Variants in FUT8 observed in about 807,000 individuals in gnomAD.
The protein encoded by FUT8 is alpha-(1,6)-fucosyltransferase.
Under a neutral mutation model 71.3 loss-of-function variants are expected in FUT8, and 29 were observed. The ratio of observed to expected loss-of-function variants is 0.41; its 90% CI spans 0.30 to 0.55. The LOEUF (loss-of-function observed/expected upper bound fraction) is 0.55, where lower values mean the gene tolerates loss of function less well. Ranked by LOEUF, FUT8 falls within the 20% of genes least tolerant of loss-of-function variation. FUT8 has a pLI of 0.34. For missense variants in FUT8, 544 were observed against 702.1 expected, an observed-to-expected ratio of 0.77 and a Z score of 2.55; for synonymous variants, 254 against 239.3, an observed-to-expected ratio of 1.06 and a Z score of -0.57.
In FUT8 at chr14:65,489,516, A is replaced by G. The variant is rs536403218; in HGVS notation, c.-228+33798A>G. ...TTCAGCCATTGAGAATGTTTTTATAAATGGACAGATCAGTTACTTAAAAAG... is the reference window on the plus strand; with the variant it reads ...TTCAGCCATTGAGAATGTTTTTATAGATGGACAGATCAGTTACTTAAAAAG... On this transcript the variant is annotated intron_variant, in intron 2 of 10. Transcript: ENST00000673929. The surrounding 1 kb of genome is among the most constrained non-coding windows in gnomAD (Gnocchi z 4.0). 6.1e-4 allele frequency among the ~76,000 whole-genome samples: 93 copies of G among 152,276 alleles called. No homozygotes were observed. The highest frequency in any genetic ancestry group is 2.1e-3 in the African/African-American group (87 of 41,568).
At chr14:65,544,992 C>G (rs1201912397) in intron 2 of FUT8, among the ~76,000 whole-genome samples, 1 of 151,706 alleles carries the variant, frequency 6.6e-6, no homozygotes, top group Non-Finnish European at 1.5e-5. Flanking sequence ...CCTTCCCCTC[C>G]TCTCCTCTTT....
At chr14:65,418,012 CATTG>C (rs1427936534) in intron 1 of FUT8, among the ~76,000 whole-genome samples, 1 of 152,000 alleles carries the variant, frequency 6.6e-6, no homozygotes, top group Non-Finnish European at 1.5e-5. Context: ...AATAATAAAA[CATTG>C]ATAATAATCT....
Position 65,643,412 on chromosome 14 carries a change from T to C in FUT8, c.597+13806T>C, listed in dbSNP as rs1250207653. On this transcript the variant is annotated intron_variant, in intron 6 of 10. Transcript: ENST00000673929. The surrounding 1 kb of genome is among the most constrained non-coding windows in gnomAD (Gnocchi z 4.5). ...GCTCACGCCTGTAATCCCAGCACTTTGGGAGGCCGAGGCAGGCGGGTCACG... is the reference window on the plus strand; with the variant it reads ...GCTCACGCCTGTAATCCCAGCACTTCGGGAGGCCGAGGCAGGCGGGTCACG... Among the ~76,000 whole-genome samples, 1 of 152,102 alleles carries C rather than the reference T, an allele frequency of 6.6e-6. No homozygotes were observed. Among genetic ancestry groups the C allele is most frequent in the African/African-American group, 2.4e-5 (1 of 41,412 alleles).
chr14:65,680,230 G>A (rs1213517089), intron 7 of FUT8, among the ~76,000 whole-genome samples: 1 of 152,214 alleles, frequency 6.6e-6, no homozygotes, highest in Non-Finnish European at 1.5e-5. Flanking sequence ...AATGATTCCA[G>A]TTCAAGCCTG....
chr14:65,391,990 T>TG, the FUT8 span, among the ~76,000 whole-genome samples: 1 of 152,158 alleles, frequency 6.6e-6, no homozygotes, highest in Non-Finnish European at 1.5e-5. Context: ...TGGAGTGCAA[T>TG]GGTACGATCT....
chr14:65,474,580 T>G (rs1439228587), intron 2 of FUT8, among the ~76,000 whole-genome samples: 1 of 151,670 alleles, frequency 6.6e-6, no homozygotes, highest in African/African-American at 2.4e-5. Context: ...AGAGCAAAAC[T>G]CTGTCTCAAA....
intron 2 of FUT8, among the ~76,000 whole-genome samples, chr14:65,497,231 A>G (rs957895069): frequency 6.6e-6 from 1 of 152,142 alleles, no homozygotes; most frequent in East Asian, 1.9e-4. Context: ...TGTTCCTAAG[A>G]TGAAAGATGG....
rs1021466789 is a variant in FUT8 at position 65,568,824 on chromosome 14, G to A, written c.203+7058G>A. ...AAACACTCATATTCTTTTATAATTG[G>A]CCACATATTTTTTCTTTCTAGTGTT... is the stretch of plus-strand genomic sequence containing the variant. On this transcript the variant is annotated intron_variant, in intron 3 of 10. Transcript: ENST00000673929. 7.3e-5 allele frequency among the ~76,000 whole-genome samples: 11 copies of A among 151,004 alleles called. No individual in the cohort carries two copies. In the Admixed American group the frequency reaches 7.3e-4, roughly 10 times the overall value.
intron 5 of FUT8, among the ~76,000 whole-genome samples, chr14:65,623,800 A>G (rs763271250): frequency 2.0e-5 from 3 of 152,072 alleles, no homozygotes; most frequent in South Asian, 2.1e-4. Context: ...GGCCAGCACT[A>G]TTTTGCTGGT....
At chr14:65,548,918 C>A (rs921184382) in intron 2 of FUT8, among the ~76,000 whole-genome samples, 5 of 152,026 alleles carry the variant, frequency 3.3e-5, no homozygotes, top group Non-Finnish European at 7.4e-5. Context: ...CGAAAGATCT[C>A]AAAAGATACT....
rs1056158545 is a variant in FUT8, at chr14:65,631,942, C to T, written c.597+2336C>T. On this transcript the variant is annotated intron_variant, in intron 6 of 10. Coordinates refer to ENST00000673929, the MANE Select transcript of FUT8 (RefSeq NM_001371533.1). ...CTTAGCTCCCACATATCAGTGAGAA[C>T]ATATGGTATTTGGTTTTCTATTCCT... is the stretch of plus-strand genomic sequence containing the variant. Among the ~76,000 whole-genome samples, 4 of 150,666 alleles carry T rather than the reference C, an allele frequency of 2.7e-5. No individual in the cohort carries two copies. In the East Asian group the frequency reaches 6.0e-4, roughly 23 times the overall value.
intron 9 of FUT8, among the ~76,000 whole-genome samples, chr14:65,731,785 G>A (rs1040239759): frequency 5.3e-5 from 8 of 152,108 alleles, no homozygotes; most frequent in East Asian, 3.9e-4. Context: ...ATGAGCCACC[G>A]CACCCAGCCT....
chr14:65,420,500 A>G (rs2065276949), intron 1 of FUT8, among the ~76,000 whole-genome samples: 1 of 152,010 alleles, frequency 6.6e-6, no homozygotes, highest in South Asian at 2.1e-4. Flanking sequence ...AATAATGAAA[A>G]TGTTTTAATA....
At chr14:65,519,680 A>T (rs1408845306) in intron 2 of FUT8, among the ~76,000 whole-genome samples, 2 of 152,224 alleles carry the variant, frequency 1.3e-5, no homozygotes, top group African/African-American at 4.8e-5. Flanking sequence ...TAAAAGTGTT[A>T]TTAAAGAATT....
chr14:65,465,814 A>G lies in FUT8; in HGVS notation c.-228+10096A>G, dbSNP rs112855446. 3.6e-3 allele frequency among the ~76,000 whole-genome samples: 542 copies of G among 152,278 alleles called. 4 individuals are homozygous for G. The South Asian group carries it at 0.039, about 11-fold the overall frequency. On this transcript the variant is annotated intron_variant, in intron 2 of 10. Transcript: ENST00000673929. ...GTTGATTGATGGTGTCATCAGTTCT[A>G]TGATACCTTCCTGATTTTCTGCTTC...
chr14:65,542,805 G>A (rs186471373), intron 2 of FUT8, among the ~76,000 whole-genome samples: 236 of 151,542 alleles, frequency 1.6e-3, no homozygotes, highest in African/African-American at 4.9e-3. Context: ...TTTTTGAGAC[G>A]GAGTTTTGCT....
chr14:65,508,111 A>G (rs1048128008), intron 2 of FUT8, among the ~76,000 whole-genome samples: 5 of 133,050 alleles, frequency 3.8e-5, no homozygotes, highest in African/African-American at 1.4e-4. Context: ...TCTGTTGGCC[A>G]GGCTGGAGTG....
the FUT8 span, among the ~76,000 whole-genome samples, chr14:65,375,962 A>C: frequency 1.3e-5 from 2 of 151,832 alleles, no homozygotes; most frequent in African/African-American, 2.4e-5. Flanking sequence ...ATGGTGGCGC[A>C]TGCCTGTAAT....
chr14:65,512,996 G>C (rs1882464378), intron 2 of FUT8, among the ~76,000 whole-genome samples: 1 of 151,392 alleles, frequency 6.6e-6, no homozygotes, highest in Non-Finnish European at 1.5e-5. Flanking sequence ...CTTTCCTTTA[G>C]AGCTAGGCTA....
Sources: gnomAD v4.1 joint callset for allele counts (sites outside exome capture counted in the v4.1 genomes callset) on GRCh38, gnomAD v4.1.1 for gene constraint, Gnocchi (gnomAD v3.1) non-coding constraint, MANE v1.5 for transcripts, NCBI Gene and HGNC (gene_info 2026-07-23, HGNC 2026-07-21) for gene names.